The following CCDC3 variants were observed in gnomAD, a reference collection of about 807,000 sequenced individuals.
CCDC3 encodes coiled-coil domain containing 3.
A neutral mutation model predicts 21.4 loss-of-function variants in CCDC3; 24 were observed. The observed-to-expected ratio is 1.12, with a 90% CI of 0.81 to 1.58. CCDC3 has a LOEUF of 1.58. CCDC3 is among the 40% of genes most tolerant of loss of function. The pLI, the probability that CCDC3 is intolerant of heterozygous loss-of-function variation, is 0.00. For synonymous variants in CCDC3, 186 were observed against 166.0 expected (o/e 1.12, Z -0.93); for missense variants, 425 against 360.9 (o/e 1.18, Z -1.44).
At chr10:13,000,737 T>G (rs762167135) in intron 1 of CCDC3, among the ~76,000 whole-genome samples, 4 of 152,096 alleles carry the variant, frequency 2.6e-5, no homozygotes, top group Non-Finnish European at 5.9e-5. Flanking sequence ...TGTCTCTCAC[T>G]TTACACAGGT....
intron 2 of CCDC3, among the ~76,000 whole-genome samples, chr10:12,926,980 T>C (rs1251816703): frequency 6.6e-6 from 1 of 152,142 alleles, no homozygotes; most frequent in Non-Finnish European, 1.5e-5. Flanking sequence ...TCCAAAACAA[T>C]TTCCATTTTG....
In CCDC3 at chr10:13,023,042, G is replaced by T. The variant is rs78260926; in HGVS notation, c.-1-24530C>A. ...ATAGAAAAAGATTAACAAACTACTG[G>T]GGAAAAATTAAATAAAATCCTTGAG... On this transcript the variant is annotated intron_variant, in intron 5 of 6. Coordinates refer to the CCDC3 transcript ENST00000378839. Among the ~76,000 whole-genome samples the T allele has an allele frequency of 2.8e-3, 416 of 150,410 alleles. 10 individuals carry two copies. The East Asian group carries it at 0.046, about 17-fold the overall frequency.
At chr10:13,098,011 T>C (rs970238474) in intron 3 of CCDC3, among the ~76,000 whole-genome samples, 1 of 152,156 alleles carries the variant, frequency 6.6e-6, no homozygotes, top group Non-Finnish European at 1.5e-5. Context: ...ACTCCCCATT[T>C]TACAGATAAA....
chr10:12,898,450 C>G lies in CCDC3; in HGVS notation c.779G>C (p.Arg260Pro). 2.5e-6 allele frequency: 4 copies of G among 1,609,172 alleles called. 1 individual carries two copies. Among genetic ancestry groups the G allele is most frequent in the South Asian group, 2.2e-5 (2 of 90,908 alleles). ...CAGGTAGGGGGGGCGCACGGGCCCC[C>G]GGGCATTGATGTGCGGCAGCGCGCC... ...AAGALPHINA[R>P]GPVRPPYLRG The change falls in exon 3 of 3, where the codon CGG (arginine) becomes CCG (proline). Residue 260 changes from arginine (R) to proline (P), a missense_variant. Coordinates refer to ENST00000378825, the MANE Select transcript of CCDC3 (RefSeq NM_031455.4).
intron 2 of CCDC3, among the ~76,000 whole-genome samples, chr10:12,931,204 C>CT: frequency 1.3e-5 from 1 of 76,114 alleles, no homozygotes; most frequent in East Asian, 4.5e-4. Context: ...GAGCAAGACT[C>CT]TGTCAAAAAA....
chr10:12,914,881 C>T (rs534323932), intron 2 of CCDC3, among the ~76,000 whole-genome samples: 8 of 152,118 alleles, frequency 5.3e-5, no homozygotes, highest in African/African-American at 1.7e-4. Flanking sequence ...TTCCTTCTAA[C>T]TTTGGGCTTA....
intron 2 of CCDC3, among the ~76,000 whole-genome samples, chr10:12,956,618 G>C (rs373715420): frequency 6.6e-6 from 1 of 152,170 alleles, no homozygotes; most frequent in Non-Finnish European, 1.5e-5. Context: ...GGTTTATCCC[G>C]GGCAGGTAAT....
At chr10:13,013,855 G>GA (rs1836014705) in intron 5 of CCDC3, among the ~76,000 whole-genome samples, 1 of 152,180 alleles carries the variant, frequency 6.6e-6, no homozygotes, top group South Asian at 2.1e-4. Context: ...TGAAGGAGAT[G>GA]AAAAAGACAT....
intron 2 of CCDC3, among the ~76,000 whole-genome samples, chr10:12,899,908 C>G (rs893948346): frequency 3.9e-5 from 6 of 152,166 alleles, no homozygotes; most frequent in African/African-American, 1.4e-4. Flanking sequence ...CAAATCTCAT[C>G]TTGAATTCTA....
intron 4 of CCDC3, among the ~76,000 whole-genome samples, chr10:13,072,842 T>A (rs1403034135): frequency 6.9e-6 from 1 of 144,910 alleles, no homozygotes; most frequent in Non-Finnish European, 1.5e-5. Context: ...GCCTGCACAA[T>A]CATTTCTTTT....
At chr10:12,969,781 A>T (rs1835314980) in intron 2 of CCDC3, among the ~76,000 whole-genome samples, 1 of 150,818 alleles carries the variant, frequency 6.6e-6, no homozygotes, top group South Asian at 2.1e-4. Context: ...TAAAAAAAAA[A>T]GAGGAAATCC....
At position 12,949,225 on chromosome 10, in the gene CCDC3, G is replaced by A. The variant is rs762746577; in HGVS notation, c.549+49113C>T. 8.5e-5 allele frequency among the ~76,000 whole-genome samples: 13 copies of A among 152,132 alleles called. 1 individual carries two copies. The highest frequency in any genetic ancestry group is 1.6e-4 in the Non-Finnish European group (11 of 68,028). On this transcript the variant is annotated intron_variant, in intron 2 of 2. Coordinates refer to ENST00000378825, the MANE Select transcript of CCDC3 (RefSeq NM_031455.4). ...CTCTGTAACTGGGCACATGGCTGCCGGGAATAAAGACCACATATCCCAGCC... is the reference window on the plus strand; with the variant it reads ...CTCTGTAACTGGGCACATGGCTGCCAGGAATAAAGACCACATATCCCAGCC...
At chr10:12,971,781 G>A (rs889709311) in intron 2 of CCDC3, among the ~76,000 whole-genome samples, 2 of 152,162 alleles carry the variant, frequency 1.3e-5, no homozygotes, top group African/African-American at 2.4e-5. Context: ...CGCCTCCCAG[G>A]TTCAAGCGAT....
At position 13,086,160 on chromosome 10, in the gene CCDC3, T is replaced by C. The variant is rs144117611; in HGVS notation, c.-502-12060A>G. 1.9e-4 allele frequency among the ~76,000 whole-genome samples: 29 copies of C among 152,288 alleles called. 1 individual carries two copies. The East Asian group carries it at 5.2e-3, about 27-fold the overall frequency. On this transcript the variant is annotated intron_variant, in intron 3 of 6. Coordinates refer to the CCDC3 transcript ENST00000378839. ...CTTAGGCCAAGGGAAGCAGGAAAGA[T>C]GGCGCATATGAGAAACAGAATAATT...
upstream of CCDC3, among the ~76,000 whole-genome samples, chr10:13,004,857 G>A (rs1835907350): frequency 6.6e-6 from 1 of 152,086 alleles, no homozygotes; most frequent in African/African-American, 2.4e-5. Flanking sequence ...CACCCACTGA[G>A]TACATCAATT....
At chr10:12,919,327 C>A (rs1393904162) in intron 2 of CCDC3, among the ~76,000 whole-genome samples, 1 of 151,988 alleles carries the variant, frequency 6.6e-6, no homozygotes, top group South Asian at 2.1e-4. Context: ...AGGTGGCTCA[C>A]GCCTGTAATC....
chr10:12,988,577 C>T lies in CCDC3; in HGVS notation c.549+9761G>A, dbSNP rs904365932. 6.6e-5 allele frequency among the ~76,000 whole-genome samples: 10 copies of T among 152,148 alleles called. No individual in the cohort carries two copies. The East Asian group carries it at 1.9e-3, about 29-fold the overall frequency. On this transcript the variant is annotated intron_variant, in intron 2 of 2. Coordinates refer to ENST00000378825, the MANE Select transcript of CCDC3 (RefSeq NM_031455.4). ...TAAGCTGGTCTTGAACTCCTGACCT[C>T]GAGTGATCTGCCCACCTCAGCCTCC...
In CCDC3 at chr10:12,984,754, G is replaced by C. The variant is rs117626178; in HGVS notation, c.549+13584C>G. On this transcript the variant is annotated intron_variant, in intron 2 of 2. Coordinates refer to ENST00000378825, the MANE Select transcript of CCDC3 (RefSeq NM_031455.4). ...TACTGATTCATACTACAATATGAAC[G>C]AAGCTTGAAAACATTATGCTAAGTG... Among the ~76,000 whole-genome samples, 8 of 152,172 alleles carry C rather than the reference G, an allele frequency of 5.3e-5. No homozygotes were observed. The East Asian group carries it at 1.5e-3, about 29-fold the overall frequency.
At chr10:12,906,978 C>G (rs1834183013) in intron 2 of CCDC3, among the ~76,000 whole-genome samples, 1 of 152,194 alleles carries the variant, frequency 6.6e-6, no homozygotes, top group Admixed American at 6.5e-5. Context: ...TACTTCTTCT[C>G]CAAGTCTTGG....
Sources: gnomAD v4.1 joint callset for allele counts (sites outside exome capture counted in the v4.1 genomes callset) on GRCh38, gnomAD v4.1.1 for gene constraint, MANE v1.5 for transcripts, NCBI Gene and HGNC (gene_info 2026-07-23, HGNC 2026-07-21) for gene names.